CYTH1: variants seen among roughly 807,000 people sequenced by gnomAD.
CYTH1 encodes the protein cytohesin-1.
In CYTH1, 18 loss-of-function variants were observed where a neutral mutation model predicts 61.8. The ratio of observed to expected loss-of-function variants is 0.29; its 90% CI spans 0.20 to 0.43. The LOEUF is 0.43. Ranked by LOEUF, CYTH1 falls within the 20% of genes least tolerant of loss-of-function variation. The probability of loss-of-function intolerance (pLI) is 1.00; values close to 1 mark genes in which losing one functional copy is unlikely to be tolerated. For synonymous variants in CYTH1, 174 were observed against 184.3 expected (o/e 0.94, Z 0.45); for missense variants, 336 against 510.5 (o/e 0.66, Z 3.29).
At chr17:78,703,567 C>T (rs1380654707) in intron 3 of CYTH1, among the ~76,000 whole-genome samples, 1 of 152,144 alleles carries the variant, frequency 6.6e-6, no homozygotes, top group South Asian at 2.1e-4. Context: ...TACAGAATTC[C>T]TCACACCTTT....
rs1126615 is a variant in CYTH1 at position 78,674,667 on chromosome 17, A to C, written c.*1424T>G. 37 of 152,370 alleles carry C rather than the reference A, an allele frequency of 2.4e-4. No individual in the cohort carries two copies. The highest frequency in any genetic ancestry group is 8.7e-4 in the African/African-American group (36 of 41,444). 9.4% of individuals were successfully genotyped at this position (152,370 alleles called of 1,614,324 possible). On this transcript the variant is annotated 3_prime_UTR_variant, in exon 14 of 14. Coordinates refer to ENST00000446868, the MANE Select transcript of CYTH1 (RefSeq NM_004762.6). Reference sequence around the variant, plus strand: ...CCGCAGCTCCTCCACCTGCCTCCTCAGGGCTGCGCCCTGCACCGCCCTGGT... The same window carrying C: ...CCGCAGCTCCTCCACCTGCCTCCTCCGGGCTGCGCCCTGCACCGCCCTGGT...
At chr17:78,758,849 G>A (rs2093411894) in intron 1 of CYTH1, among the ~76,000 whole-genome samples, 1 of 152,162 alleles carries the variant, frequency 6.6e-6, no homozygotes, top group African/African-American at 2.4e-5. Flanking sequence ...CGAGACTTGA[G>A]GTCAGGGGCA....
At chr17:78,752,570 C>T (rs1311500790) in intron 1 of CYTH1, among the ~76,000 whole-genome samples, 3 of 152,094 alleles carry the variant, frequency 2.0e-5, no homozygotes, top group African/African-American at 7.2e-5. Flanking sequence ...GTAACTGAGA[C>T]TACAGGTGCG....
At position 78,690,698 on chromosome 17, in the gene CYTH1, C is replaced by CA. The variant is rs922972887; in HGVS notation, c.891+1718dup. The stretch of plus-strand genomic sequence containing the variant: ...TGGGAGACAGAGCGAGACTCCGTCT[C>CA]AAAAAAAAAAAAGTATTTTTCTCTG... On this transcript the variant is annotated intron_variant, in intron 11 of 13. Coordinates refer to ENST00000446868, the MANE Select transcript of CYTH1 (RefSeq NM_004762.6). 5.6e-3 allele frequency among the ~76,000 whole-genome samples: 784 copies of CA among 139,096 alleles called. 7 individuals carry two copies. Among genetic ancestry groups the CA allele is most frequent in the African/African-American group, 0.017 (631 of 38,070 alleles). 91.3% of individuals were successfully genotyped at this position (139,096 alleles called of 152,430 possible). A position where few individuals can be genotyped will look rare whatever the true frequency, so the allele number is the denominator to read the frequency against.
rs1394901960 is a variant in CYTH1, at chr17:78,717,470, C to G, written c.23-7738G>C. On this transcript the variant is annotated intron_variant, in intron 1 of 13. Transcript: ENST00000446868. This position sits in a 1 kb window ranked among gnomAD's most constrained non-coding sequence, Gnocchi z 4.4. ...CTTGGCTGTGAATAGGAAAGCCACA[C>G]AAGGGAAGCTTTCATTTATTTATTT... Among the ~76,000 whole-genome samples the G allele has an allele frequency of 6.6e-6, 1 of 152,184 alleles. No individual in the cohort carries two copies. Among genetic ancestry groups the G allele is most frequent in the Non-Finnish European group, 1.5e-5 (1 of 68,038 alleles).
chr17:78,739,999 G>T (rs990702137), intron 1 of CYTH1, among the ~76,000 whole-genome samples: 13 of 152,066 alleles, frequency 8.5e-5, no homozygotes, highest in Non-Finnish European at 1.6e-4. Context: ...GCAGTGGCGC[G>T]ATCTCGGCTC....
intron 1 of CYTH1, among the ~76,000 whole-genome samples, chr17:78,757,211 G>C (rs1422501686): frequency 6.6e-6 from 1 of 151,962 alleles, no homozygotes; most frequent in Non-Finnish European, 1.5e-5. Flanking sequence ...GCCTCCCAAA[G>C]TGCTGGGATT....
At chr17:78,702,910 C>T (rs1236072099) in intron 3 of CYTH1, among the ~76,000 whole-genome samples, 1 of 151,954 alleles carries the variant, frequency 6.6e-6, no homozygotes, top group African/African-American at 2.4e-5. Context: ...CAACCTCTGC[C>T]TCCTGGGCTC....
intron 1 of CYTH1, among the ~76,000 whole-genome samples, chr17:78,757,783 A>T (rs940632604): frequency 6.6e-6 from 1 of 151,868 alleles, no homozygotes; most frequent in Non-Finnish European, 1.5e-5. Context: ...ATACAAAAAA[A>T]ATTAGCCAGG....
Position 78,715,239 on chromosome 17 carries a change from C to T in CYTH1, c.23-5507G>A, listed in dbSNP as rs370535262. On this transcript the variant is annotated intron_variant, in intron 1 of 13. Coordinates refer to ENST00000446868, the MANE Select transcript of CYTH1 (RefSeq NM_004762.6). ...TCTCGCTGGTGTCAGTATAAGAGCC[C>T]GCACACTAAAGATAGCGCAGTGGAA... Among the ~76,000 whole-genome samples the T allele has an allele frequency of 2.6e-4, 39 of 152,006 alleles. No individual in the cohort carries two copies. In the East Asian group the frequency reaches 4.1e-3, roughly 16 times the overall value.
rs558527301 is a variant in CYTH1, at chr17:78,739,639, G to A, written c.23-29907C>T. On this transcript the variant is annotated intron_variant, in intron 1 of 13. Coordinates refer to ENST00000446868, the MANE Select transcript of CYTH1 (RefSeq NM_004762.6). ...GGGTGAGATGCATAGCTGCTGCCAG[G>A]GTTCTGAGCAACAGAGCATTTTGTG... Among the ~76,000 whole-genome samples the A allele has an allele frequency of 1.3e-4, 20 of 152,288 alleles. No individual in the cohort carries two copies. In the South Asian group the frequency reaches 4.2e-3, roughly 32 times the overall value.
chr17:78,711,494 C>G (rs889300345), intron 1 of CYTH1, among the ~76,000 whole-genome samples: 52 of 152,076 alleles, frequency 3.4e-4, no homozygotes, highest in African/African-American at 1.2e-3. Context: ...TATTTCTAGA[C>G]AGCATAGAGT....
At chr17:78,692,100 C>T in intron 11 of CYTH1, 1 of 277,370 alleles carries the variant, frequency 3.6e-6, no homozygotes, top group South Asian at 5.5e-5. Context: ...TTCTCGGCAA[C>T]CAATGCAAAT....
At chr17:78,766,468 C>G (rs1332079333) in intron 1 of CYTH1, among the ~76,000 whole-genome samples, 4 of 152,180 alleles carry the variant, frequency 2.6e-5, no homozygotes, top group Admixed American at 2.6e-4. Context: ...CAACATCAAA[C>G]CCAGTTTACC....
rs573665074 is a variant in CYTH1 at position 78,676,630 on chromosome 17, C to T, written c.1119-461G>A. ...ATGCAGTGGGGCCTTCCAAGCCCCC[C>T]ACGTGCACCTGCTCAGTAACTAAGG... On this transcript the variant is annotated intron_variant, in intron 13 of 13. Coordinates refer to ENST00000446868, the MANE Select transcript of CYTH1 (RefSeq NM_004762.6). 5 of 278,602 alleles carry T rather than the reference C, an allele frequency of 1.8e-5. No individual in the cohort carries two copies. The Admixed American group carries it at 2.5e-4, about 14-fold the overall frequency. The allele number at this position is 278,602 out of a possible 1,614,324, so 17.3% of individuals were successfully genotyped here.
In CYTH1 at chr17:78,702,520, C is replaced by T. The variant is rs771843177; in HGVS notation, c.237+18G>A. ...ACCCCATCTAATATGGACCACTTCC[C>T]GCTTCTTTCTCACTTACCTTTTTAG... On this transcript the variant is annotated intron_variant, in intron 4 of 13. Coordinates refer to ENST00000446868, the MANE Select transcript of CYTH1 (RefSeq NM_004762.6). 6.2e-7 allele frequency: 1 copy of T among 1,613,124 alleles called. No homozygotes were observed. Among genetic ancestry groups the T allele is most frequent in the Non-Finnish European group, 8.5e-7 (1 of 1,179,472 alleles).
intron 1 of CYTH1, 93 bp downstream of exon 1, chr17:78,782,109 A>C: frequency 9.1e-7 from 1 of 1,104,718 alleles, no homozygotes; most frequent in Non-Finnish European, 1.1e-6. Context: ...GTCCCCGGGA[A>C]ACGCCAGCCG....
intron 1 of CYTH1, among the ~76,000 whole-genome samples, chr17:78,757,131 G>A (rs2093404989): frequency 6.6e-6 from 1 of 151,512 alleles, no homozygotes; most frequent in Non-Finnish European, 1.5e-5. Context: ...CATACTTTTA[G>A]TAGAGACAAG....
At chr17:78,739,211 C>T (rs2093332653) in intron 1 of CYTH1, among the ~76,000 whole-genome samples, 1 of 152,110 alleles carries the variant, frequency 6.6e-6, no homozygotes, top group African/African-American at 2.4e-5. Context: ...CATAACCAGT[C>T]ACTTGTTTTT....
Sources: allele counts gnomAD v4.1 joint callset (sites outside exome capture counted in the v4.1 genomes callset), GRCh38; gene constraint gnomAD v4.1.1; non-coding constraint Gnocchi (gnomAD v3.1); transcripts MANE v1.5; gene names NCBI Gene and HGNC (gene_info 2026-07-23, HGNC 2026-07-21).